The following ARHGAP10 variants were observed in gnomAD, a reference collection of about 807,000 sequenced individuals.
ARHGAP10 encodes rho GTPase-activating protein 10.
In ARHGAP10, 87 loss-of-function variants were observed where a neutral mutation model predicts 108.6. That is an observed-to-expected ratio of 0.80 (90% confidence interval 0.67 to 0.96). The LOEUF (loss-of-function observed/expected upper bound fraction) is 0.96. Ranked by LOEUF, ARHGAP10 falls within the 40% of genes least tolerant of loss-of-function variation. ARHGAP10 has a pLI of 0.00. For missense variants in ARHGAP10, 939 were observed against 954.5 expected (o/e 0.98, Z 0.21); for synonymous variants, 347 against 341.1 (o/e 1.02, Z -0.19).
At chr4:147,885,629 A>G (rs986189228) in intron 10 of ARHGAP10, among the ~76,000 whole-genome samples, 1 of 152,192 alleles carries the variant, frequency 6.6e-6, no homozygotes, top group African/African-American at 2.4e-5. Flanking sequence ...CTTGGCGGCT[A>G]TGGCAGCATT....
chr4:147,805,327 T>A (rs1392824787), intron 1 of ARHGAP10, among the ~76,000 whole-genome samples: 1 of 152,196 alleles, frequency 6.6e-6, no homozygotes, highest in African/African-American at 2.4e-5. Flanking sequence ...CTGTTCCATT[T>A]GTCTGTGTGT....
chr4:147,931,327 A>C (rs1737671151), intron 13 of ARHGAP10, among the ~76,000 whole-genome samples: 2 of 144,738 alleles, frequency 1.4e-5, no homozygotes, highest in South Asian at 2.2e-4. Flanking sequence ...AAAAAAAAAA[A>C]CTTGGGGCCT....
At chr4:148,009,354 A>G (rs983999481) in intron 18 of ARHGAP10, among the ~76,000 whole-genome samples, 2 of 151,988 alleles carry the variant, frequency 1.3e-5, no homozygotes, top group African/African-American at 4.8e-5. Flanking sequence ...CTGGTCTCCA[A>G]CTCCTGACCT....
At chr4:147,826,226 G>T (rs1050786876) in intron 3 of ARHGAP10, among the ~76,000 whole-genome samples, 1 of 152,214 alleles carries the variant, frequency 6.6e-6, no homozygotes, top group Non-Finnish European at 1.5e-5. Context: ...GAAATAGAGC[G>T]ATGAGGTCCA....
chr4:147,873,679 A>ACACACACACACAC (rs1194292185), intron 7 of ARHGAP10, among the ~76,000 whole-genome samples: 1 of 15,766 alleles, frequency 6.3e-5, no homozygotes, highest in Non-Finnish European at 2.2e-4. Context: ...AACAAAAAAC[A>ACACACACACACAC]AAACACACAC....
At chr4:148,036,697 G>A (rs894562436) in intron 19 of ARHGAP10, among the ~76,000 whole-genome samples, 1 of 152,180 alleles carries the variant, frequency 6.6e-6, no homozygotes, top group African/African-American at 2.4e-5. Flanking sequence ...AGCAGCCTAA[G>A]AATGGACTGA....
chr4:147,849,534 G>A (rs1460070137), intron 4 of ARHGAP10, among the ~76,000 whole-genome samples: 1 of 152,142 alleles, frequency 6.6e-6, no homozygotes, highest in East Asian at 1.9e-4. Flanking sequence ...GGGGATTTAA[G>A]AAAAAGGTCT....
intron 1 of ARHGAP10, among the ~76,000 whole-genome samples, chr4:147,744,646 G>A (rs1241976441): frequency 4.6e-5 from 7 of 152,022 alleles, no homozygotes; most frequent in African/African-American, 1.7e-4. Context: ...GATTGGGTGT[G>A]GGGGCTGCCC....
Position 148,046,985 on chromosome 4 carries a change from C to T in ARHGAP10, c.1961C>T (p.Pro654Leu). 1 of 1,614,138 alleles carries T rather than the reference C, an allele frequency of 6.2e-7. No homozygotes were observed. The highest frequency in any genetic ancestry group is 8.5e-7 in the Non-Finnish European group (1 of 1,179,994). The change falls in exon 20 of 23, where the codon CCT becomes CTT. Residue 654 changes from proline (P) to leucine (L), a missense_variant. Pro to Leu is a moderately conservative substitution (Grantham distance 98, BLOSUM62 -3). Coordinates refer to ENST00000336498, the MANE Select transcript of ARHGAP10 (RefSeq NM_024605.4). ...PSPVTTAVPG[P>L]PGPDKNHLLA... ...CCCGTGACTACAGCTGTCCCTGGGC[C>T]TCCTGGACCAGACAAAAACCACCTT...
intron 10 of ARHGAP10, among the ~76,000 whole-genome samples, chr4:147,888,404 GTTTTCCAATAAGTC>G (rs1157176048): frequency 6.6e-6 from 1 of 152,082 alleles, no homozygotes; most frequent in Non-Finnish European, 1.5e-5. Flanking sequence ...TTTTTTGAAA[GTTTTCCAATAAGTC>G]TTGGGAGTGG....
At chr4:147,989,965 C>T (rs1189863969) in intron 18 of ARHGAP10, among the ~76,000 whole-genome samples, 1 of 152,168 alleles carries the variant, frequency 6.6e-6, no homozygotes, top group Non-Finnish European at 1.5e-5. Flanking sequence ...ATTTGGGGAA[C>T]TAATAAATGT....
At chr4:148,012,406 G>A (rs996453424) in intron 18 of ARHGAP10, among the ~76,000 whole-genome samples, 1 of 152,182 alleles carries the variant, frequency 6.6e-6, no homozygotes, top group Non-Finnish European at 1.5e-5. Flanking sequence ...TCATATATAA[G>A]ACTTCTTAAA....
intron 1 of ARHGAP10, among the ~76,000 whole-genome samples, chr4:147,780,854 A>C (rs1730502014): frequency 6.6e-6 from 1 of 152,146 alleles, no homozygotes; most frequent in Admixed American, 6.6e-5. Flanking sequence ...AAGTCCACCT[A>C]GGGTGGACTG....
At chr4:147,879,819 A>C (rs1416012916) in intron 9 of ARHGAP10, among the ~76,000 whole-genome samples, 1 of 152,090 alleles carries the variant, frequency 6.6e-6, no homozygotes, top group East Asian at 1.9e-4. Flanking sequence ...TTTTTAGGTG[A>C]ACAATAGAAT....
intron 18 of ARHGAP10, among the ~76,000 whole-genome samples, chr4:147,971,304 AT>A (rs928153141): frequency 2.0e-5 from 3 of 151,916 alleles, no homozygotes; most frequent in African/African-American, 4.8e-5. Flanking sequence ...AATTTGGTGC[AT>A]TTTTTCCCCC....
At chr4:147,892,867 C>T (rs1295906713) in intron 10 of ARHGAP10, among the ~76,000 whole-genome samples, 2 of 152,066 alleles carry the variant, frequency 1.3e-5, no homozygotes, top group African/African-American at 4.8e-5. Flanking sequence ...TAGAAGAGGG[C>T]AGGGAGTTGC....
At chr4:147,818,716 A>G (rs1345128398) in intron 1 of ARHGAP10, among the ~76,000 whole-genome samples, 1 of 152,246 alleles carries the variant, frequency 6.6e-6, no homozygotes, top group Non-Finnish European at 1.5e-5. Context: ...AAGAAAATAC[A>G]TTTAATGGAC....
intron 1 of ARHGAP10, among the ~76,000 whole-genome samples, chr4:147,771,230 G>A (rs970249915): frequency 6.6e-6 from 1 of 152,114 alleles, no homozygotes; most frequent in Non-Finnish European, 1.5e-5. Flanking sequence ...ACATTCTGGG[G>A]GGTAAGGAAT....
chr4:147,816,687 T>G (rs1732261944), intron 1 of ARHGAP10, among the ~76,000 whole-genome samples: 2 of 152,124 alleles, frequency 1.3e-5, no homozygotes, highest in Admixed American at 1.3e-4. Context: ...AAAAAATGAG[T>G]TAGTTATTTG....
Sources: gnomAD v4.1 joint callset for allele counts (sites outside exome capture counted in the v4.1 genomes callset) on GRCh38, gnomAD v4.1.1 for gene constraint, MANE v1.5 for transcripts, NCBI Gene and HGNC (gene_info 2026-07-23, HGNC 2026-07-21) for gene names.